CPAMD8: variants seen among roughly 807,000 people sequenced by gnomAD.
CPAMD8 encodes the protein C3 and PZP-like alpha-2-macroglobulin domain-containing protein 8.
CPAMD8 carries 146 observed loss-of-function variants against 224.7 expected under a neutral mutation model. The observed-to-expected ratio is 0.65, with a 90% CI of 0.57 to 0.75. The LOEUF is 0.75. Ranked by LOEUF, CPAMD8 falls within the 30% of genes least tolerant of loss-of-function variation. The pLI, the probability that CPAMD8 is intolerant of heterozygous loss-of-function variation, is 0.00. For missense variants in CPAMD8, 2,301 were observed against 2,537.5 expected (o/e 0.91, Z 2.00); for synonymous variants, 966 against 1,044.6 (o/e 0.92, Z 1.45).
intron 39 of CPAMD8, 155 bp downstream of exon 39, chr19:16,897,536 G>C (rs1048555266): frequency 1.8e-6 from 1 of 566,928 alleles, no homozygotes; most frequent in Middle Eastern, 4.7e-4. Context: ...CCCCCGTACA[G>C]GCAGAGCGCC....
intron 15 of CPAMD8, among the ~76,000 whole-genome samples, chr19:16,976,726 G>A (rs2122713740): frequency 6.6e-6 from 1 of 152,044 alleles, no homozygotes; most frequent in African/African-American, 2.4e-5. Flanking sequence ...CTGGCGGAGA[G>A]CCTGTGGCAG....
chr19:16,964,609 G>C (rs2054764685), intron 18 of CPAMD8, among the ~76,000 whole-genome samples: 2 of 152,090 alleles, frequency 1.3e-5, no homozygotes, highest in Non-Finnish European at 2.9e-5. Context: ...TCCACCAGAA[G>C]TACAAAGAGG....
Position 16,897,960 on chromosome 19 carries a change from C to T in CPAMD8, c.4883G>A (p.Arg1628His). Residue 1628 changes from arginine to histidine, a missense_variant, in exon 38 of 42, where the codon CGT becomes CAT. By Grantham distance (29) the Arg-to-His change is conservative. Around this residue, in one of 4 missense-constraint regions of CPAMD8, gnomAD observed 1,709 missense variants for 1,753.2 expected, o/e 0.97. Transcript: ENST00000443236. The stretch of plus-strand genomic sequence containing the variant: ...GCCCACCACGCACTCCCGGAGAGCA[C>T]GGAACCGCACGCACGTCAGGCACCG... ...PSRCLTCVRF[R>H]ALRECVVGRT... The T allele has an allele frequency of 6.2e-7, 1 of 1,611,030 alleles. No individual in the cohort carries two copies.
chr19:17,002,719 G>C (rs12977760), intron 8 of CPAMD8, among the ~76,000 whole-genome samples: 50,837 of 151,658 alleles, frequency 0.34, 8,900 homozygotes, highest in African/African-American at 0.45. Flanking sequence ...GCATCCCCAG[G>C]GTGACTGCAA....
intron 22 of CPAMD8, 26 bp from the exon 23 acceptor site, chr19:16,938,472 G>C: frequency 1.0e-5 from 15 of 1,475,380 alleles, no homozygotes; most frequent in Non-Finnish European, 1.3e-5. Flanking sequence ...AAGGAGAACT[G>C]AGTGCTGGGG....
Position 16,945,613 on chromosome 19 carries a change from T to C in CPAMD8, c.2729A>G (p.Glu910Gly). The change falls in exon 22 of 42, where the codon GAG becomes GGG. Residue 910 changes from glutamate to glycine, a missense_variant. Glu to Gly is a moderately conservative substitution (Grantham distance 98, BLOSUM62 -2). Coordinates refer to ENST00000443236, the MANE Select transcript of CPAMD8 (RefSeq NM_015692.5). ...GGGGACCCTCCTGTCGGCGTGATTCTCCTCAGGGTGTTTGCTGGACCTCCC... is the reference window on the plus strand; with the variant it reads ...GGGGACCCTCCTGTCGGCGTGATTCCCCTCAGGGTGTTTGCTGGACCTCCC... ...RDGRSSKHPE[E>G]NHADRRVPIG... 6 of 1,614,204 alleles carry C rather than the reference T, an allele frequency of 3.7e-6. No individual in the cohort carries two copies. The highest frequency in any genetic ancestry group is 5.1e-6 in the Non-Finnish European group (6 of 1,180,026).
chr19:16,983,265 G>A (rs565520928), intron 13 of CPAMD8, among the ~76,000 whole-genome samples: 13 of 152,254 alleles, frequency 8.5e-5, no homozygotes, highest in South Asian at 2.1e-4. Context: ...AGCAAGGCAC[G>A]GTGGCAGGTG....
chr19:16,965,214 C>T (rs562212803), intron 18 of CPAMD8, among the ~76,000 whole-genome samples: 6 of 151,980 alleles, frequency 3.9e-5, no homozygotes, highest in Non-Finnish European at 8.8e-5. Flanking sequence ...GAGCCGATAT[C>T]GCACCACTGC....
At chr19:16,924,848 G>A (rs540448243) in intron 26 of CPAMD8, among the ~76,000 whole-genome samples, 1 of 152,210 alleles carries the variant, frequency 6.6e-6, no homozygotes, top group Non-Finnish European at 1.5e-5. Flanking sequence ...GCCTCCCAAA[G>A]TGTTGGGATT....
At position 16,904,268 on chromosome 19, in the gene CPAMD8, C is replaced by G; in HGVS notation, c.4209G>C (p.Leu1403=). Residue 1403 remains leucine, a synonymous_variant, in exon 32 of 42, where the codon CTG becomes CTC. Transcript: ENST00000443236. ...CCCCAAGTGCATTTCGCTGCTGGGA[C>G]AGCCACTTCACCACAGGCAGGGCGG... ...VAAALPVVKW[L]SQQRNALGGF... is the part of the protein sequence containing the mutation. 5 of 1,566,108 alleles carry G rather than the reference C, an allele frequency of 3.2e-6. No individual in the cohort carries two copies. Among genetic ancestry groups the G allele is most frequent in the Non-Finnish European group, 4.3e-6 (5 of 1,150,790 alleles).
At chr19:16,957,631 C>T in intron 19 of CPAMD8, 3 of 572,210 alleles carry the variant, frequency 5.2e-6, no homozygotes, top group African/African-American at 3.7e-5. Flanking sequence ...ATAAGAGGCA[C>T]AAAGCCCTTG....
chr19:16,929,144 T>C lies in CPAMD8; in HGVS notation c.2942A>G (p.Asn981Ser), dbSNP rs1371196457. The part of the protein sequence containing the change: ...TRFDVAVRAH[N>S]DARVALSSGP... Reference sequence around the variant, plus strand: ...AGAAGACAAGGCCACACGGGCATCATTGTGAGCTCGCACAGCCACATCAAA... The same window carrying C: ...AGAAGACAAGGCCACACGGGCATCACTGTGAGCTCGCACAGCCACATCAAA... The change falls in exon 24 of 42, where the codon AAT (asparagine) becomes AGT (serine). Residue 981 changes from asparagine (N) to serine (S), a missense_variant. This residue lies in a region of CPAMD8 where 1,709 missense variants were observed against 1,753.2 expected (regional missense o/e 0.97). Transcript: ENST00000443236. The C allele has an allele frequency of 2.5e-6, 4 of 1,613,996 alleles. No homozygotes were observed. The highest frequency in any genetic ancestry group is 1.1e-5 in the South Asian group (1 of 91,090).
chr19:17,005,535 G>A (rs770147352), intron 7 of CPAMD8, among the ~76,000 whole-genome samples: 10 of 152,072 alleles, frequency 6.6e-5, no homozygotes, highest in South Asian at 2.1e-4. Flanking sequence ...TCTGAGCCCC[G>A]TCCGCAGCTG....
At chr19:16,985,104 T>C (rs367657134) in intron 13 of CPAMD8, among the ~76,000 whole-genome samples, 4 of 152,318 alleles carry the variant, frequency 2.6e-5, no homozygotes, top group African/African-American at 4.8e-5. Flanking sequence ...AATGCCTTTT[T>C]TTAAGTATAC....
chr19:16,984,036 G>A (rs1263330838), intron 13 of CPAMD8, among the ~76,000 whole-genome samples: 2 of 152,174 alleles, frequency 1.3e-5, no homozygotes, highest in African/African-American at 4.8e-5. Context: ...TGAGAGCCCT[G>A]AAATGAATCC....
rs548429272 is a variant in CPAMD8 at position 17,009,889 on chromosome 19, C to T, written c.487-569G>A. ...CTGGGTGCCTCCTGATACAAGGCAC[C>T]GGGGAGGATCCAGTATTGCTTCTGT... On this transcript the variant is annotated intron_variant, in intron 5 of 41. Coordinates refer to ENST00000443236, the MANE Select transcript of CPAMD8 (RefSeq NM_015692.5). Among the ~76,000 whole-genome samples, 331 of 152,210 alleles carry T rather than the reference C, an allele frequency of 2.2e-3. 1 individual carries two copies. The highest frequency in any genetic ancestry group is 6.8e-3 in the Middle Eastern group (2 of 294).
intron 26 of CPAMD8, among the ~76,000 whole-genome samples, chr19:16,924,192 C>T (rs910857146): frequency 3.3e-5 from 5 of 151,166 alleles, no homozygotes; most frequent in Non-Finnish European, 5.9e-5. Flanking sequence ...ACATTTCTGT[C>T]GTTCTAAGCC....
At chr19:16,933,646 G>A (rs1190179358) in intron 23 of CPAMD8, among the ~76,000 whole-genome samples, 1 of 152,066 alleles carries the variant, frequency 6.6e-6, no homozygotes, top group Non-Finnish European at 1.5e-5. Flanking sequence ...GATGTCACTG[G>A]GTATCTATTA....
intron 18 of CPAMD8, among the ~76,000 whole-genome samples, chr19:16,958,795 T>G (rs1044939058): frequency 2.1e-5 from 3 of 143,090 alleles, no homozygotes; most frequent in Non-Finnish European, 3.1e-5. Context: ...ATTTTTTTAC[T>G]TTTTTTTTCT....
Sources: gnomAD v4.1 joint callset for allele counts (sites outside exome capture counted in the v4.1 genomes callset) on GRCh38, gnomAD v4.1.1 for gene constraint, gnomAD v4.1.1 regional missense constraint, MANE v1.5 for transcripts, NCBI Gene and HGNC (gene_info 2026-07-23, HGNC 2026-07-21) for gene names.